The following EIF4H variants were observed in gnomAD, a reference collection of about 807,000 sequenced individuals.
The protein encoded by EIF4H is Williams-Beuren syndrome chromosome region 1.
In EIF4H, 8 loss-of-function variants were observed where a neutral mutation model predicts 30.6. The ratio of observed to expected loss-of-function variants is 0.26; its 90% CI spans 0.15 to 0.47. The LOEUF (loss-of-function observed/expected upper bound fraction) is 0.47, where lower values mean the gene tolerates loss of function less well. Among genes scored for constraint, EIF4H ranks in the 20% least tolerant of loss-of-function variants. EIF4H has a pLI of 0.99. For synonymous variants in EIF4H, 106 were observed against 122.7 expected (o/e 0.86, Z 0.90); for missense variants, 188 against 339.5 (o/e 0.55, Z 3.51).
At chr7:74,175,869 A>C (rs532871143) in intron 1 of EIF4H, among the ~76,000 whole-genome samples, 1 of 152,158 alleles carries the variant, frequency 6.6e-6, no homozygotes, top group East Asian at 1.9e-4. Flanking sequence ...GATTTAAAAA[A>C]ATTTCCTTCA....
intron 5 of EIF4H, 60 bp from the exon 6 acceptor site, chr7:74,194,681 C>T: frequency 2.7e-6 from 4 of 1,496,866 alleles, no homozygotes; most frequent in Non-Finnish European, 3.6e-6. Flanking sequence ...GAACATTATT[C>T]TATAAGCAGC....
At chr7:74,189,101 G>T (rs1554709547) in intron 2 of EIF4H, among the ~76,000 whole-genome samples, 3 of 152,136 alleles carry the variant, frequency 2.0e-5, no homozygotes, top group Non-Finnish European at 4.4e-5. Context: ...CAAGGAAGGG[G>T]CAATGTCAGA....
intron 1 of EIF4H, chr7:74,183,799 T>G (rs1481136749): frequency 6.6e-6 from 1 of 152,224 alleles, no homozygotes; most frequent in Non-Finnish European, 1.5e-5. Context: ...ACTCACATCC[T>G]ATGTGATGTG....
intron 2 of EIF4H, among the ~76,000 whole-genome samples, chr7:74,188,974 A>G (rs977763246): frequency 6.6e-6 from 1 of 152,112 alleles, no homozygotes; most frequent in Non-Finnish European, 1.5e-5. Context: ...GTGGGCTTCA[A>G]AGATGAAGTG....
chr7:74,175,311 A>G (rs1800812866), intron 1 of EIF4H, among the ~76,000 whole-genome samples: 1 of 152,288 alleles, frequency 6.6e-6, no homozygotes, highest in Middle Eastern at 3.4e-3. Flanking sequence ...TTGCCTCGTT[A>G]GAATATAGGC....
rs1801326710 is a variant in EIF4H, at chr7:74,195,529, T to C, written c.*221T>C. The C allele has an allele frequency of 2.4e-6, 1 of 420,862 alleles. No individual in the cohort carries two copies. The highest frequency in any genetic ancestry group is 4.4e-5 in the Admixed American group (1 of 22,588). The allele number at this position is 420,862 out of a possible 1,614,324, so 26.1% of individuals were successfully genotyped here. A position where few individuals can be genotyped will look rare whatever the true frequency, so the allele number is the denominator to read the frequency against. On this transcript the variant is annotated 3_prime_UTR_variant, in exon 7 of 7. Coordinates refer to ENST00000265753, the MANE Select transcript of EIF4H (RefSeq NM_022170.2). ...AGTGCCTGTTTGTGCGTTTTTTTCT[T>C]TCTTCCGCTGCTTCCCCATTTTCCT... is the stretch of plus-strand genomic sequence containing the variant.
intron 1 of EIF4H, among the ~76,000 whole-genome samples, chr7:74,184,959 G>A (rs111329398): frequency 0.025 from 3,837 of 152,186 alleles, 174 homozygotes; most frequent in African/African-American, 0.087. Context: ...GGGATTACAG[G>A]TATGAGCCAC....
At position 74,189,751 on chromosome 7, in the gene EIF4H, G is replaced by T. The variant is rs1554709618; in HGVS notation, c.312+14G>T. On this transcript the variant is annotated intron_variant, in intron 3 of 6. Transcript: ENST00000265753. ...TACGATGGTGCAGTAAGTATCCTCG[G>T]GTTTTCTCTGTCATAGCAGTTGAGA... is the stretch of plus-strand genomic sequence containing the variant. 6.2e-7 allele frequency: 1 copy of T among 1,614,038 alleles called. No individual in the cohort carries two copies. The highest frequency in any genetic ancestry group is 8.5e-7 in the Non-Finnish European group (1 of 1,180,028).
intron 1 of EIF4H, among the ~76,000 whole-genome samples, chr7:74,178,648 C>T (rs1401025122): frequency 6.6e-6 from 1 of 152,100 alleles, no homozygotes; most frequent in Non-Finnish European, 1.5e-5. Context: ...CTCTGAATGT[C>T]TTTCCAGGAT....
At chr7:74,180,850 C>T (rs1554708308) in intron 1 of EIF4H, among the ~76,000 whole-genome samples, 1 of 152,226 alleles carries the variant, frequency 6.6e-6, no homozygotes, top group Admixed American at 6.5e-5. Flanking sequence ...CAAAGGATTA[C>T]ATCTTGGCCT....
intron 1 of EIF4H, among the ~76,000 whole-genome samples, chr7:74,182,355 C>T (rs950702018): frequency 7.2e-5 from 11 of 152,088 alleles, no homozygotes; most frequent in Non-Finnish European, 5.9e-5. Context: ...TGTCAAAAAC[C>T]CAAATGTTAC....
chr7:74,194,586 A>G lies in EIF4H; in HGVS notation c.470-155A>G, dbSNP rs570110084. Reference sequence around the variant, plus strand: ...CATTACTCCACACATTGGCATTTGGACCCACTTTTAACACACTTTATTTTG... The same window carrying G: ...CATTACTCCACACATTGGCATTTGGGCCCACTTTTAACACACTTTATTTTG... On this transcript the variant is annotated intron_variant, in intron 5 of 6. Transcript: ENST00000265753. Among the ~76,000 whole-genome samples, 4 of 152,352 alleles carry G rather than the reference A, an allele frequency of 2.6e-5. No individual in the cohort carries two copies. In the South Asian group the frequency reaches 8.3e-4, roughly 32 times the overall value.
rs117329701 is a variant in EIF4H at position 74,194,888 on chromosome 7, C to T, written c.607+10C>T. The T allele has an allele frequency of 5.1e-5, 81 of 1,581,998 alleles. No individual in the cohort carries two copies. The East Asian group carries it at 1.8e-3, about 35-fold the overall frequency. ...AGAGAACCCACAGAAGGTACGGGCT[C>T]ATGTGTCAGTGGAGGGCATCTTGTC... On this transcript the variant is annotated intron_variant, in intron 6 of 6. Transcript: ENST00000265753.
At chr7:74,178,325 G>A (rs944708843) in intron 1 of EIF4H, among the ~76,000 whole-genome samples, 3 of 152,086 alleles carry the variant, frequency 2.0e-5, no homozygotes, top group Admixed American at 6.6e-5. Context: ...CGAAGCAGGC[G>A]GATCACTTGT....
chr7:74,175,154 A>G (rs1800809460), intron 1 of EIF4H, among the ~76,000 whole-genome samples: 1 of 152,254 alleles, frequency 6.6e-6, no homozygotes. Flanking sequence ...AAGGAACCGC[A>G]TTTAGCGTCG....
intron 1 of EIF4H, among the ~76,000 whole-genome samples, chr7:74,176,869 T>G (rs1204528929): frequency 6.6e-6 from 1 of 152,256 alleles, no homozygotes. Flanking sequence ...GGACTTTGTT[T>G]TGCAGTTTGC....
At chr7:74,181,868 C>CA (rs1800970740) in intron 1 of EIF4H, among the ~76,000 whole-genome samples, 1 of 152,078 alleles carries the variant, frequency 6.6e-6, no homozygotes, top group Non-Finnish European at 1.5e-5. Flanking sequence ...AGGCACCTGC[C>CA]ACTGTGCCCA....
Position 74,182,863 on chromosome 7 carries a change from C to T in EIF4H, c.60-4748C>T, listed in dbSNP as rs112293319. On this transcript the variant is annotated intron_variant, in intron 1 of 6. Transcript: ENST00000265753. Reference sequence around the variant, plus strand: ...CACCCTAAGGGTTCAGTATTGGCCCCATCTGCCATCTGGAAGTGGAGTCCC... The same window carrying T: ...CACCCTAAGGGTTCAGTATTGGCCCTATCTGCCATCTGGAAGTGGAGTCCC... Among the ~76,000 whole-genome samples the T allele has an allele frequency of 3.5e-4, 53 of 152,332 alleles. 1 individual carries two copies. Among genetic ancestry groups the T allele is most frequent in the African/African-American group, 1.3e-3 (52 of 41,578 alleles).
At position 74,194,791 on chromosome 7, in the gene EIF4H, C is replaced by T. The variant is rs782489557; in HGVS notation, c.520C>T (p.Arg174Trp). 25 of 1,602,574 alleles carry T rather than the reference C, an allele frequency of 1.6e-5. No individual in the cohort carries two copies. The highest frequency in any genetic ancestry group is 2.0e-5 in the Non-Finnish European group (23 of 1,170,538). Residue 174 changes from arginine to tryptophan, a missense_variant, in exon 6 of 7, where the codon CGG becomes TGG. Arg to Trp is a moderately radical substitution (Grantham distance 101, BLOSUM62 -3). Transcript: ENST00000265753. ...CAGGGGAGGTAGTCGCCCAGGCGAC[C>T]GGCGAACAGGCCCCCCCATGGGCAG... ...GGRGGSRPGDRRTGPPMGSRF... is the reference protein window; with the variant it reads ...GGRGGSRPGDWRTGPPMGSRF...
Sources: gnomAD v4.1 joint callset for allele counts (sites outside exome capture counted in the v4.1 genomes callset) on GRCh38, gnomAD v4.1.1 for gene constraint, MANE v1.5 for transcripts, NCBI Gene and HGNC (gene_info 2026-07-23, HGNC 2026-07-21) for gene names.